The following KIAA1328 variants were observed in gnomAD, a reference collection of about 807,000 sequenced individuals.
The protein encoded by KIAA1328 is protein hinderin.
KIAA1328 carries 52 observed loss-of-function variants against 68.1 expected under a neutral mutation model. The ratio of observed to expected loss-of-function variants is 0.76; its 90% CI spans 0.61 to 0.96. The LOEUF (loss-of-function observed/expected upper bound fraction) is 0.96, where lower values mean the gene tolerates loss of function less well. Ranked by LOEUF, KIAA1328 falls within the 40% of genes least tolerant of loss-of-function variation. KIAA1328 has a pLI of 0.00. For synonymous variants in KIAA1328, 232 were observed against 239.4 expected (o/e 0.97, Z 0.28); for missense variants, 641 against 677.6 (o/e 0.95, Z 0.60).
At chr18:37,159,084 T>G (rs1319451829) in intron 7 of KIAA1328, among the ~76,000 whole-genome samples, 1 of 152,212 alleles carries the variant, frequency 6.6e-6, no homozygotes, top group African/African-American at 2.4e-5. Flanking sequence ...TTATACATTT[T>G]CTTGTGCCTA....
At chr18:36,864,483 AG>A (rs1377056060) in intron 4 of KIAA1328, among the ~76,000 whole-genome samples, 1 of 151,512 alleles carries the variant, frequency 6.6e-6, no homozygotes, top group Non-Finnish European at 1.5e-5. Flanking sequence ...TTGTATTTTT[AG>A]TAGAGACGGG....
chr18:37,082,634 A>C (rs1192603002), intron 7 of KIAA1328, among the ~76,000 whole-genome samples: 2 of 152,218 alleles, frequency 1.3e-5, no homozygotes, highest in African/African-American at 4.8e-5. Flanking sequence ...TCTTGGGACG[A>C]GCTTGTCATT....
intron 7 of KIAA1328, among the ~76,000 whole-genome samples, chr18:37,081,409 C>G (rs909784507): frequency 1.3e-5 from 2 of 152,158 alleles, no homozygotes; most frequent in African/African-American, 4.8e-5. Context: ...ATCAGTATCA[C>G]AATTTATATT....
intron 5 of KIAA1328, among the ~76,000 whole-genome samples, chr18:36,902,751 G>A (rs1036305761): frequency 2.0e-5 from 3 of 152,024 alleles, no homozygotes; most frequent in Non-Finnish European, 4.4e-5. Flanking sequence ...TGATGAAAGT[G>A]CTTAGAAATA....
chr18:36,868,693 C>A (rs2047838431), intron 4 of KIAA1328, among the ~76,000 whole-genome samples: 1 of 152,112 alleles, frequency 6.6e-6, no homozygotes, highest in South Asian at 2.1e-4. Flanking sequence ...CTTAAAAAAA[C>A]CATCCAGTAT....
At chr18:37,127,905 C>T (rs2058431376) in intron 7 of KIAA1328, among the ~76,000 whole-genome samples, 1 of 151,794 alleles carries the variant, frequency 6.6e-6, no homozygotes, top group South Asian at 2.1e-4. Context: ...CAGAAATAGG[C>T]CCACATATAT....
chr18:36,885,052 A>T (rs772932327), intron 4 of KIAA1328, among the ~76,000 whole-genome samples: 1 of 152,014 alleles, frequency 6.6e-6, no homozygotes, highest in Non-Finnish European at 1.5e-5. Flanking sequence ...CATACTATTT[A>T]TATGCTACTA....
At chr18:37,043,198 A>G (rs80033842) in intron 6 of KIAA1328, among the ~76,000 whole-genome samples, 43,208 of 152,034 alleles carry the variant, frequency 0.28, 6,525 homozygotes, top group South Asian at 0.47. Context: ...CATTTATTAT[A>G]GCTGCTTTGA....
chr18:37,165,257 T>C (rs2059362851), intron 8 of KIAA1328, among the ~76,000 whole-genome samples: 1 of 152,124 alleles, frequency 6.6e-6, no homozygotes, highest in Non-Finnish European at 1.5e-5. Flanking sequence ...TCTTTCTAAT[T>C]TTTGTGCCTT....
rs900942355 is a variant in KIAA1328 at position 36,845,618 on chromosome 18, C to G, written c.332+1316C>G. ...TCATATACAGAATATATAAAGAACT[C>G]TAATACCTCAATATTAAGAAGAGAA... is the stretch of plus-strand genomic sequence containing the variant. On this transcript the variant is annotated intron_variant, in intron 4 of 9. Transcript: ENST00000280020. 2.0e-5 allele frequency among the ~76,000 whole-genome samples: 3 copies of G among 151,478 alleles called. No homozygotes were observed. The South Asian group carries it at 6.2e-4, about 31-fold the overall frequency.
At chr18:36,990,599 A>G (rs543236578) in intron 6 of KIAA1328, among the ~76,000 whole-genome samples, 1 of 152,064 alleles carries the variant, frequency 6.6e-6, no homozygotes, top group East Asian at 1.9e-4. Context: ...TGAACCCAGG[A>G]GGTGGAGGCT....
At chr18:37,036,396 T>TA (rs2055029625) in intron 6 of KIAA1328, among the ~76,000 whole-genome samples, 1 of 152,244 alleles carries the variant, frequency 6.6e-6, no homozygotes, top group Non-Finnish European at 1.5e-5. Flanking sequence ...CTAAGCCTGA[T>TA]ATAGACCCTG....
chr18:37,090,792 G>T (rs750623820), intron 7 of KIAA1328, among the ~76,000 whole-genome samples: 2 of 152,166 alleles, frequency 1.3e-5, no homozygotes, highest in African/African-American at 2.4e-5. Context: ...TACATGCCCA[G>T]ATGCCCCTAG....
Position 36,870,026 on chromosome 18 carries a change from CT to C in KIAA1328, c.333-15530del, listed in dbSNP as rs200299324. ...TACAGGTGCGCGCCACCACGTCCAG[CT>C]GATTTTTGTATTTTTTAGTAGAGAC... On this transcript the variant is annotated intron_variant, in intron 4 of 9. Coordinates refer to ENST00000280020, the MANE Select transcript of KIAA1328 (RefSeq NM_020776.3). 6.5e-3 allele frequency among the ~76,000 whole-genome samples: 986 copies of C among 152,160 alleles called. 14 individuals are homozygous for C. The highest frequency in any genetic ancestry group is 0.022 in the African/African-American group (912 of 41,508).
intron 5 of KIAA1328, among the ~76,000 whole-genome samples, chr18:36,930,744 C>T (rs1041011942): frequency 2.6e-5 from 4 of 151,818 alleles, no homozygotes; most frequent in African/African-American, 9.7e-5. Flanking sequence ...AAAGTAGATC[C>T]TAGTTACAGG....
At chr18:37,062,902 C>T (rs918595248) in intron 6 of KIAA1328, among the ~76,000 whole-genome samples, 3 of 152,134 alleles carry the variant, frequency 2.0e-5, no homozygotes, top group African/African-American at 7.2e-5. Context: ...TACCACTAAC[C>T]TGGTAATTTA....
At chr18:36,987,398 G>A (rs1266882636) in intron 6 of KIAA1328, among the ~76,000 whole-genome samples, 1 of 147,516 alleles carries the variant, frequency 6.8e-6, no homozygotes, top group Non-Finnish European at 1.5e-5. Flanking sequence ...TGACACGTTA[G>A]TGGGTGCAGC....
chr18:36,831,814 C>T (rs2046502529), intron 1 of KIAA1328, among the ~76,000 whole-genome samples: 1 of 152,056 alleles, frequency 6.6e-6, no homozygotes, highest in Non-Finnish European at 1.5e-5. Flanking sequence ...TCCTTCAAAT[C>T]CTGGAGGTCT....
intron 4 of KIAA1328, among the ~76,000 whole-genome samples, chr18:36,873,689 G>A (rs1459543654): frequency 6.6e-6 from 1 of 151,834 alleles, no homozygotes; most frequent in South Asian, 2.1e-4. Context: ...AACTTTTTTT[G>A]GTTTTATTTT....
Sources: allele counts gnomAD v4.1 joint callset (sites outside exome capture counted in the v4.1 genomes callset), GRCh38; gene constraint gnomAD v4.1.1; transcripts MANE v1.5; gene names NCBI Gene and HGNC (gene_info 2026-07-23, HGNC 2026-07-21).